ARHGAP44: variants seen among roughly 807,000 people sequenced by gnomAD.
ARHGAP44 encodes Rho GTPase activating protein 44.
In ARHGAP44, 43 loss-of-function variants were observed where a neutral mutation model predicts 106.8. That is an observed-to-expected ratio of 0.40 (90% CI 0.32 to 0.52). The LOEUF (loss-of-function observed/expected upper bound fraction) is 0.52. Ranked by LOEUF, ARHGAP44 falls within the 20% of genes least tolerant of loss-of-function variation. ARHGAP44 has a pLI of 0.48. For missense variants in ARHGAP44, 866 were observed against 1,050.5 expected (o/e 0.82, Z 2.43); for synonymous variants, 439 against 410.3 (o/e 1.07, Z -0.85).
intron 7 of ARHGAP44, among the ~76,000 whole-genome samples, chr17:12,936,131 C>A (rs957826338): frequency 6.6e-6 from 1 of 152,156 alleles, no homozygotes; most frequent in East Asian, 1.9e-4. Flanking sequence ...AAACATACAA[C>A]CTCCCCCAAT....
intron 1 of ARHGAP44, among the ~76,000 whole-genome samples, chr17:12,829,071 C>T (rs1011802965): frequency 6.6e-6 from 1 of 152,020 alleles, no homozygotes; most frequent in African/African-American, 2.4e-5. Context: ...AGTCACGCAA[C>T]TTTCATTTCT....
At chr17:12,920,397 AAC>A (rs1227917881) in intron 6 of ARHGAP44, among the ~76,000 whole-genome samples, 1 of 143,464 alleles carries the variant, frequency 7.0e-6, no homozygotes, top group Non-Finnish European at 1.5e-5. Context: ...AAAAAAAAGT[AAC>A]ACAGGGTAGT....
At chr17:12,965,664 A>G (rs2039373273) in intron 16 of ARHGAP44, among the ~76,000 whole-genome samples, 1 of 152,224 alleles carries the variant, frequency 6.6e-6, no homozygotes, top group Non-Finnish European at 1.5e-5. Flanking sequence ...TCTTTAGTGT[A>G]TGACTTCTTA....
chr17:12,794,873 G>C (rs2033872521), intron 1 of ARHGAP44, among the ~76,000 whole-genome samples: 1 of 152,204 alleles, frequency 6.6e-6, no homozygotes, highest in African/African-American at 2.4e-5. Flanking sequence ...TGGTGCTGCA[G>C]ACATTTTTGT....
chr17:12,889,018 A>G (rs754466093), intron 1 of ARHGAP44, among the ~76,000 whole-genome samples: 7 of 152,152 alleles, frequency 4.6e-5, no homozygotes, highest in African/African-American at 1.7e-4. Flanking sequence ...TTTTAAATCC[A>G]TTCTTCTAGT....
chr17:12,847,981 T>C (rs2035621616), intron 1 of ARHGAP44, among the ~76,000 whole-genome samples: 2 of 152,220 alleles, frequency 1.3e-5, no homozygotes, highest in African/African-American at 4.8e-5. Context: ...TCATGAGCCT[T>C]GTTATTATTA....
intron 6 of ARHGAP44, among the ~76,000 whole-genome samples, chr17:12,923,943 C>G (rs28499568): frequency 1.4e-4 from 22 of 152,280 alleles, no homozygotes; most frequent in East Asian, 3.9e-4. Flanking sequence ...ATGCTCCCCC[C>G]CTACCCCCTG....
chr17:12,896,096 C>T, intron 2 of ARHGAP44, among the ~76,000 whole-genome samples: 1 of 109,816 alleles, frequency 9.1e-6, no homozygotes, highest in East Asian at 2.6e-4. Context: ...CACACCAGGG[C>T]CTGTCATGGG....
intron 1 of ARHGAP44, among the ~76,000 whole-genome samples, chr17:12,851,841 C>G (rs146313204): frequency 6.6e-6 from 1 of 152,032 alleles, no homozygotes; most frequent in African/African-American, 2.4e-5. Flanking sequence ...TTCATCTCAT[C>G]GGCCCAAAAT....
At chr17:12,969,958 AC>A (rs372153148) in intron 16 of ARHGAP44, among the ~76,000 whole-genome samples, 147 of 152,320 alleles carry the variant, frequency 9.7e-4, no homozygotes, top group Non-Finnish European at 1.4e-3. Flanking sequence ...ATTCCATGAT[AC>A]CATCTCATGA....
rs556763538 is a variant in ARHGAP44 at position 12,969,649 on chromosome 17, G to A, written c.1524-3653G>A. Among the ~76,000 whole-genome samples the A allele has an allele frequency of 2.6e-5, 4 of 152,190 alleles. No individual in the cohort carries two copies. In the East Asian group the frequency reaches 7.7e-4, roughly 29 times the overall value. On this transcript the variant is annotated intron_variant, in intron 16 of 20. Transcript: ENST00000379672. ...GCCAGATACTAGGCCTTTATATTCC[G>A]TCCATCAAGGTGTTGTCTGATGCTC...
At chr17:12,878,104 T>C (rs965540642) in intron 1 of ARHGAP44, among the ~76,000 whole-genome samples, 1 of 152,226 alleles carries the variant, frequency 6.6e-6, no homozygotes, top group Non-Finnish European at 1.5e-5. Flanking sequence ...AAATGACAGG[T>C]GAACTAAAAT....
At chr17:12,822,921 T>C (rs892979090) in intron 1 of ARHGAP44, among the ~76,000 whole-genome samples, 1 of 152,238 alleles carries the variant, frequency 6.6e-6, no homozygotes, top group Non-Finnish European at 1.5e-5. Flanking sequence ...CAGAGCTCTC[T>C]CCTTGTCTAC....
intron 5 of ARHGAP44, among the ~76,000 whole-genome samples, chr17:12,918,987 T>C (rs1055370056): frequency 1.3e-5 from 2 of 152,236 alleles, no homozygotes; most frequent in Admixed American, 1.3e-4. Context: ...AGGGCATCAA[T>C]AATTTCATCT....
At chr17:12,798,560 C>T (rs572050796) in intron 1 of ARHGAP44, among the ~76,000 whole-genome samples, 68 of 152,248 alleles carry the variant, frequency 4.5e-4, no homozygotes, top group African/African-American at 6.7e-4. Flanking sequence ...ATGTTTGAAC[C>T]TCAATAGATT....
chr17:12,934,206 CCT>C (rs1042721474), intron 7 of ARHGAP44, among the ~76,000 whole-genome samples: 1 of 152,126 alleles, frequency 6.6e-6, no homozygotes, highest in Non-Finnish European at 1.5e-5. Flanking sequence ...TTAGCCTTGT[CCT>C]CTCTCTCTTT....
intron 1 of ARHGAP44, among the ~76,000 whole-genome samples, chr17:12,828,196 G>C (rs2034979027): frequency 6.6e-6 from 1 of 151,962 alleles, no homozygotes; most frequent in African/African-American, 2.4e-5. Context: ...ACAAATAATG[G>C]TAGTTTTTTT....
At chr17:12,934,126 C>T (rs1401048045) in intron 7 of ARHGAP44, among the ~76,000 whole-genome samples, 3 of 152,200 alleles carry the variant, frequency 2.0e-5, no homozygotes, top group South Asian at 2.1e-4. Flanking sequence ...GGATTACAGG[C>T]GTGAGCCACC....
chr17:12,818,340 A>G (rs1359056343), intron 1 of ARHGAP44, among the ~76,000 whole-genome samples: 1 of 150,874 alleles, frequency 6.6e-6, no homozygotes, highest in Non-Finnish European at 1.5e-5. Flanking sequence ...GAAAAGAAAA[A>G]AAAAAAAAAA....
Sources: gnomAD v4.1 joint callset for allele counts (sites outside exome capture counted in the v4.1 genomes callset) on GRCh38, gnomAD v4.1.1 for gene constraint, MANE v1.5 for transcripts, NCBI Gene and HGNC (gene_info 2026-07-23, HGNC 2026-07-21) for gene names.